DLGAP2: variants seen among roughly 807,000 people sequenced by gnomAD.
DLGAP2 encodes DLG associated protein 2.
A neutral mutation model predicts 100.3 loss-of-function variants in DLGAP2; 26 were observed. That is an observed-to-expected ratio of 0.26 (90% CI 0.19 to 0.36). DLGAP2 has a LOEUF of 0.36. Ranked by LOEUF, DLGAP2 falls within the 10% of genes least tolerant of loss-of-function variation. The pLI, the probability that DLGAP2 is intolerant of heterozygous loss-of-function variation, is 1.00. For missense variants in DLGAP2, 1,858 were observed against 1,453.2 expected (o/e 1.28, Z -4.53); for synonymous variants, 886 against 630.1 (o/e 1.41, Z -6.08).
chr8:1,249,292 C>A (rs1051346725), intron 2 of DLGAP2, among the ~76,000 whole-genome samples: 10 of 152,134 alleles, frequency 6.6e-5, no homozygotes, highest in African/African-American at 2.4e-4. Context: ...CTGTGGGTCC[C>A]GTGGGAAGGT....
intron 2 of DLGAP2, among the ~76,000 whole-genome samples, chr8:983,812 A>G (rs549455777): frequency 6.6e-6 from 1 of 151,830 alleles, no homozygotes; most frequent in South Asian, 2.1e-4. Context: ...TGCCTGGCTA[A>G]TTTTTTTTGT....
intron 3 of DLGAP2, among the ~76,000 whole-genome samples, chr8:1,466,785 A>C (rs1378105450): frequency 2.6e-5 from 4 of 152,068 alleles, no homozygotes; most frequent in Non-Finnish European, 2.9e-5. Flanking sequence ...GGTTGGTGAG[A>C]CGTGTGGTAA....
intron 2 of DLGAP2, among the ~76,000 whole-genome samples, chr8:1,135,201 T>A (rs1264737858): frequency 6.6e-6 from 1 of 152,184 alleles, no homozygotes; most frequent in East Asian, 1.9e-4. Context: ...TATAACATTG[T>A]GGGGTTTTTT....
intron 12 of DLGAP2, among the ~76,000 whole-genome samples, chr8:1,685,250 G>A (rs1428701726): frequency 6.6e-6 from 1 of 152,182 alleles, no homozygotes; most frequent in Non-Finnish European, 1.5e-5. Flanking sequence ...CTCCATGCAG[G>A]GCACGAGGAT....
intron 3 of DLGAP2, among the ~76,000 whole-genome samples, chr8:1,471,766 TC>T (rs1204352144): frequency 7.9e-5 from 12 of 152,180 alleles, no homozygotes; most frequent in African/African-American, 2.9e-4. Flanking sequence ...CCCTTGCTAC[TC>T]CCATCCTTGG....
intron 3 of DLGAP2, among the ~76,000 whole-genome samples, chr8:1,323,809 T>C (rs1384650845): frequency 6.6e-6 from 1 of 152,206 alleles, no homozygotes; most frequent in African/African-American, 2.4e-5. Flanking sequence ...TCACATCGTG[T>C]TTCCTTTCCT....
chr8:1,364,031 C>G lies in DLGAP2; in HGVS notation c.106+105148C>G, dbSNP rs371259491. On this transcript the variant is annotated intron_variant, in intron 3 of 14. Transcript: ENST00000637795. ...CCAGGTGGTACCCCTCACTGATCCT[C>G]ATGGAACCCCATATGGGGGTCTTCC... Among the ~76,000 whole-genome samples the G allele has an allele frequency of 5.9e-5, 9 of 152,300 alleles. No individual in the cohort carries two copies. In the East Asian group the frequency reaches 1.5e-3, roughly 26 times the overall value.
At chr8:1,480,182 C>T (rs1799052759) in intron 3 of DLGAP2, among the ~76,000 whole-genome samples, 1 of 152,220 alleles carries the variant, frequency 6.6e-6, no homozygotes, top group Non-Finnish European at 1.5e-5. Flanking sequence ...CCCCCCTCCG[C>T]CTGCTGAGCT....
intron 2 of DLGAP2, among the ~76,000 whole-genome samples, chr8:939,038 C>T (rs942287463): frequency 4.6e-5 from 7 of 152,328 alleles, no homozygotes; most frequent in South Asian, 4.1e-4. Context: ...CTGCAGAAAG[C>T]GGGATCACGG....
chr8:751,896 A>G (rs569655699), intron 1 of DLGAP2, among the ~76,000 whole-genome samples: 3 of 152,184 alleles, frequency 2.0e-5, no homozygotes, highest in East Asian at 1.9e-4. Flanking sequence ...AGTTCATCTG[A>G]CACTTCATAG....
At chr8:1,464,202 A>G (rs1219768834) in intron 3 of DLGAP2, among the ~76,000 whole-genome samples, 16 of 151,796 alleles carry the variant, frequency 1.1e-4, no homozygotes, top group African/African-American at 3.9e-4. Flanking sequence ...CCCTTCCAGG[A>G]CAACACCCTT....
intron 2 of DLGAP2, among the ~76,000 whole-genome samples, chr8:1,161,072 C>T (rs535048350): frequency 6.6e-6 from 1 of 152,316 alleles, no homozygotes; most frequent in South Asian, 2.1e-4. Flanking sequence ...AGACACTTTG[C>T]CTATTCCAGC....
intron 2 of DLGAP2, among the ~76,000 whole-genome samples, chr8:982,102 C>T (rs951741605): frequency 3.3e-5 from 5 of 152,250 alleles, no homozygotes; most frequent in Admixed American, 1.3e-4. Flanking sequence ...GAATGCTCTT[C>T]AGCCTCCCAA....
chr8:1,445,407 A>C (rs1797958811), intron 3 of DLGAP2, among the ~76,000 whole-genome samples: 1 of 151,714 alleles, frequency 6.6e-6, no homozygotes, highest in Non-Finnish European at 1.5e-5. Context: ...TGTCCCTACA[A>C]AGGACATGAA....
Position 771,663 on chromosome 8 carries a change from A to G in DLGAP2, c.18+33838A>G, listed in dbSNP as rs1211240555. 2.0e-5 allele frequency among the ~76,000 whole-genome samples: 3 copies of G among 152,226 alleles called. No homozygotes were observed. In the East Asian group the frequency reaches 5.8e-4, roughly 29 times the overall value. Reference sequence around the variant, plus strand: ...GCAACCCCTACCTTGCTACCCAGAGACGCATTGAACACGACGTGGCCTCTG... The same window carrying G: ...GCAACCCCTACCTTGCTACCCAGAGGCGCATTGAACACGACGTGGCCTCTG... On this transcript the variant is annotated intron_variant, in intron 1 of 14. Coordinates refer to ENST00000637795, the MANE Select transcript of DLGAP2 (RefSeq NM_001346810.2).
chr8:1,324,846 G>T (rs1278701938), intron 3 of DLGAP2, among the ~76,000 whole-genome samples: 2 of 152,178 alleles, frequency 1.3e-5, no homozygotes, highest in Non-Finnish European at 2.9e-5. Context: ...GTGAAATACG[G>T]AGCTGATTTG....
At chr8:825,950 C>G (rs528655505) in intron 1 of DLGAP2, among the ~76,000 whole-genome samples, 13 of 152,312 alleles carry the variant, frequency 8.5e-5, no homozygotes, top group African/African-American at 3.1e-4. Flanking sequence ...TTCTATCTGA[C>G]TATATTTTTA....
chr8:1,285,825 T>C (rs1799910280), intron 3 of DLGAP2, among the ~76,000 whole-genome samples: 3 of 152,132 alleles, frequency 2.0e-5, no homozygotes, highest in Non-Finnish European at 4.4e-5. Flanking sequence ...AAAAATGAGC[T>C]GGGCGTAGTG....
chr8:1,071,710 G>T (rs1803435664), intron 2 of DLGAP2, among the ~76,000 whole-genome samples: 1 of 152,066 alleles, frequency 6.6e-6, no homozygotes, highest in Admixed American at 6.5e-5. Context: ...TGGAATACTG[G>T]CTCCAAGGAT....
Sources: gnomAD v4.1 joint callset for allele counts (sites outside exome capture counted in the v4.1 genomes callset) on GRCh38, gnomAD v4.1.1 for gene constraint, MANE v1.5 for transcripts, NCBI Gene and HGNC (gene_info 2026-07-23, HGNC 2026-07-21) for gene names.